CDH13: variants seen among roughly 807,000 people sequenced by gnomAD.
The protein encoded by CDH13 is cadherin 13, also known as cadherin-13.
Under a neutral mutation model 63.8 loss-of-function variants are expected in CDH13, and 24 were observed. That is an observed-to-expected ratio of 0.38 (90% CI 0.27 to 0.53). The LOEUF is 0.53. CDH13 is among the 20% of genes least tolerant of loss of function. The pLI, the probability that CDH13 is intolerant of heterozygous loss-of-function variation, is 0.85. For missense variants in CDH13, 1,049 were observed against 903.1 expected (o/e 1.16, Z -2.07); for synonymous variants, 503 against 355.3 (o/e 1.42, Z -4.67).
intron 1 of CDH13, among the ~76,000 whole-genome samples, chr16:82,703,753 C>T (rs1846358036): frequency 6.6e-6 from 1 of 152,166 alleles, no homozygotes; most frequent in Non-Finnish European, 1.5e-5. Flanking sequence ...TGCCTTCTGG[C>T]TGCCCCCTCT....
intron 5 of CDH13, among the ~76,000 whole-genome samples, chr16:83,310,284 A>G (rs2089971072): frequency 6.6e-6 from 1 of 152,256 alleles, no homozygotes; most frequent in Non-Finnish European, 1.5e-5. Flanking sequence ...AATAAATAGC[A>G]GTCTAAGATA....
In CDH13 at chr16:83,118,600, A is replaced by G. The variant is rs138101820; in HGVS notation, c.367-6785A>G. Among the ~76,000 whole-genome samples, 851 of 151,872 alleles carry G rather than the reference A, an allele frequency of 5.6e-3. 6 individuals are homozygous for G. Among genetic ancestry groups the G allele is most frequent in the African/African-American group, 0.019 (801 of 41,406 alleles). On this transcript the variant is annotated intron_variant, in intron 3 of 13. Coordinates refer to ENST00000567109, the MANE Select transcript of CDH13 (RefSeq NM_001257.5). ...CTGAGTGGCTCACCCTCATTTTCTC[A>G]CTTCCTCCGTCCTGGTGTTAATAAG...
At chr16:83,199,435 C>G (rs1433216576) in intron 4 of CDH13, among the ~76,000 whole-genome samples, 1 of 152,286 alleles carries the variant, frequency 6.6e-6, no homozygotes. Flanking sequence ...GTTCCTCCCC[C>G]TGAACTAGCT....
intron 6 of CDH13, among the ~76,000 whole-genome samples, chr16:83,480,489 C>G (rs1366502489): frequency 6.6e-6 from 1 of 152,166 alleles, no homozygotes; most frequent in African/African-American, 2.4e-5. Flanking sequence ...AGAGAACTGG[C>G]TCATGTCCAC....
intron 2 of CDH13, among the ~76,000 whole-genome samples, chr16:82,913,270 A>G (rs1425725002): frequency 1.3e-5 from 2 of 152,130 alleles, no homozygotes; most frequent in African/African-American, 2.4e-5. Context: ...GAGAGAGGGA[A>G]ACGTTCGATG....
chr16:83,090,679 ACT>A (rs1443996559), intron 3 of CDH13, among the ~76,000 whole-genome samples: 1 of 151,804 alleles, frequency 6.6e-6, no homozygotes. Flanking sequence ...CCTCTGACTG[ACT>A]CTCAAGTCTT....
At chr16:82,682,421 G>A (rs959889246) in intron 1 of CDH13, among the ~76,000 whole-genome samples, 4 of 152,190 alleles carry the variant, frequency 2.6e-5, no homozygotes, top group African/African-American at 9.7e-5. Context: ...ACCTATTGGA[G>A]GCAGGCACTG....
At chr16:83,689,264 C>A (rs770668559) in intron 10 of CDH13, among the ~76,000 whole-genome samples, 3 of 151,948 alleles carry the variant, frequency 2.0e-5, no homozygotes. Context: ...CCAATATTTT[C>A]TAAGCTGTTA....
At chr16:82,758,482 C>T (rs2034706896) in intron 1 of CDH13, among the ~76,000 whole-genome samples, 1 of 151,568 alleles carries the variant, frequency 6.6e-6, no homozygotes, top group Admixed American at 6.6e-5. Flanking sequence ...TCCAGCTGAG[C>T]AGTCTTCTGA....
chr16:82,734,612 A>G (rs1044010050), intron 1 of CDH13, among the ~76,000 whole-genome samples: 3 of 152,204 alleles, frequency 2.0e-5, no homozygotes, highest in African/African-American at 7.2e-5. Context: ...GGAGTTTAGC[A>G]TTCAGGGCCA....
chr16:82,820,462 T>C (rs1009505206), intron 1 of CDH13, among the ~76,000 whole-genome samples: 7 of 152,202 alleles, frequency 4.6e-5, no homozygotes, highest in Non-Finnish European at 8.8e-5. Context: ...CACAGAGAAT[T>C]TAAGTAACCT....
chr16:82,923,119 C>T (rs1171815638), intron 2 of CDH13, among the ~76,000 whole-genome samples: 1 of 152,142 alleles, frequency 6.6e-6, no homozygotes, highest in Non-Finnish European at 1.5e-5. Flanking sequence ...CGCCAATAGA[C>T]TTGCTCAATG....
rs144757645 is a variant in CDH13 at position 83,779,406 on chromosome 16, CAAAAAAAAAAAAA to C, written c.1682-542_1682-530del. 8.5e-5 allele frequency among the ~76,000 whole-genome samples: 7 copies of C among 82,554 alleles called. No individual in the cohort carries two copies. The Admixed American group carries it at 1.3e-3, about 15-fold the overall frequency. The allele number at this position is 82,554 out of a possible 152,430, so 54.2% of individuals were successfully genotyped here. A position where few individuals can be genotyped will look rare whatever the true frequency, so the allele number is the denominator to read the frequency against. ...CGGGCGACAGCGCGAGACTCCATCT[CAAAAAAAAAAAAA>C]AAAAAAAAAAAAAAAAAAAGTCTTA... On this transcript the variant is annotated intron_variant, in intron 11 of 13. Transcript: ENST00000567109.
At position 83,686,936 on chromosome 16, in the gene CDH13, C is replaced by T. The variant is rs528570055; in HGVS notation, c.1538+8475C>T. On this transcript the variant is annotated intron_variant, in intron 10 of 13. Transcript: ENST00000567109. ...TAAGTAGACATGGGTTGACCGAATG[C>T]GGTGGCTCATGCTTTGTAATCCCAG... Among the ~76,000 whole-genome samples the T allele has an allele frequency of 5.9e-5, 9 of 152,232 alleles. No individual in the cohort carries two copies. In the South Asian group the frequency reaches 6.2e-4, roughly 11 times the overall value.
At chr16:83,560,765 C>T (rs2075688667) in intron 7 of CDH13, among the ~76,000 whole-genome samples, 1 of 152,186 alleles carries the variant, frequency 6.6e-6, no homozygotes, top group Non-Finnish European at 1.5e-5. Flanking sequence ...CTCCAAGTTT[C>T]TATTCCAAAT....
intron 10 of CDH13, among the ~76,000 whole-genome samples, chr16:83,715,870 C>T (rs188038662): frequency 1.8e-4 from 28 of 152,216 alleles, no homozygotes; most frequent in East Asian, 3.9e-4. Flanking sequence ...TGAAGGAAGA[C>T]GAAATGCCTT....
intron 2 of CDH13, among the ~76,000 whole-genome samples, chr16:82,998,367 A>T (rs1049948253): frequency 1.3e-5 from 2 of 152,258 alleles, no homozygotes; most frequent in African/African-American, 4.8e-5. Flanking sequence ...CAACTTTCAT[A>T]AATAAGCAAG....
At chr16:83,612,058 T>C (rs1047112015) in intron 8 of CDH13, among the ~76,000 whole-genome samples, 1 of 152,056 alleles carries the variant, frequency 6.6e-6, no homozygotes, top group Non-Finnish European at 1.5e-5. Flanking sequence ...GTTCAAACCT[T>C]CTATATATGT....
chr16:83,722,205 A>C (rs1312000856), intron 10 of CDH13, among the ~76,000 whole-genome samples: 2 of 152,150 alleles, frequency 1.3e-5, no homozygotes, highest in African/African-American at 4.8e-5. Flanking sequence ...CTGGCTACAC[A>C]ATCTCTCTGA....
Sources: gnomAD v4.1 joint callset for allele counts (sites outside exome capture counted in the v4.1 genomes callset) on GRCh38, gnomAD v4.1.1 for gene constraint, MANE v1.5 for transcripts, NCBI Gene and HGNC (gene_info 2026-07-23, HGNC 2026-07-21) for gene names.